The following PLPP1 variants were observed in gnomAD, a reference collection of about 807,000 sequenced individuals.
PLPP1 encodes the protein lipid phosphate phosphohydrolase 1a.
A neutral mutation model predicts 31.2 loss-of-function variants in PLPP1; 24 were observed. The ratio of observed to expected loss-of-function variants is 0.77; its 90% confidence interval spans 0.56 to 1.08. The LOEUF is 1.08. Ranked by LOEUF, PLPP1 falls within the 50% of genes least tolerant of loss-of-function variation. The pLI is 0.00. For synonymous variants in PLPP1, 146 were observed against 126.3 expected, an observed-to-expected ratio of 1.16 and a Z score of -1.05; for missense variants, 319 against 342.7, an observed-to-expected ratio of 0.93 and a Z score of 0.55.
At chr5:55,483,192 T>A (rs1752705272) in intron 1 of PLPP1, among the ~76,000 whole-genome samples, 1 of 152,164 alleles carries the variant, frequency 6.6e-6, no homozygotes, top group Non-Finnish European at 1.5e-5. Context: ...TCTTAAAAAG[T>A]CGTATTTTAT....
At chr5:55,458,972 G>A (rs1184927646) in intron 3 of PLPP1, among the ~76,000 whole-genome samples, 2 of 144,644 alleles carry the variant, frequency 1.4e-5, no homozygotes, top group African/African-American at 2.5e-5. Flanking sequence ...TTAAATTTGT[G>A]ATCAAAGGGC....
chr5:55,488,583 T>C (rs1475694500), intron 1 of PLPP1, among the ~76,000 whole-genome samples: 1 of 151,934 alleles, frequency 6.6e-6, no homozygotes, highest in Non-Finnish European at 1.5e-5. Flanking sequence ...GAGGCGGAGG[T>C]TGCACTAAGT....
chr5:55,452,189 A>G (rs958237230), intron 3 of PLPP1, among the ~76,000 whole-genome samples: 112 of 152,114 alleles, frequency 7.4e-4, no homozygotes, highest in Admixed American at 2.9e-3. Flanking sequence ...GTGATCCCCA[A>G]TGTTGGAGGT....
intron 2 of PLPP1, among the ~76,000 whole-genome samples, chr5:55,472,636 CAGAGAG>C (rs1174820270): frequency 8.8e-6 from 1 of 113,740 alleles, no homozygotes; most frequent in African/African-American, 3.2e-5. Flanking sequence ...AAGAAAGAGA[CAGAGAG>C]AGAGAAAGAA....
intron 1 of PLPP1, among the ~76,000 whole-genome samples, chr5:55,501,458 T>TA (rs1753143499): frequency 8.5e-6 from 1 of 117,512 alleles, no homozygotes; most frequent in Admixed American, 9.4e-5. Flanking sequence ...CTTGCAACTT[T>TA]AGAGATCTAT....
At chr5:55,429,627 AGCAG>A (rs1175409837) in intron 4 of PLPP1, among the ~76,000 whole-genome samples, 1 of 152,126 alleles carries the variant, frequency 6.6e-6, no homozygotes, top group East Asian at 1.9e-4. Context: ...AAGCAGCTAC[AGCAG>A]GGCACCATTT....
intron 1 of PLPP1, among the ~76,000 whole-genome samples, chr5:55,489,043 C>G (rs1752833174): frequency 6.6e-6 from 1 of 151,840 alleles, no homozygotes; most frequent in South Asian, 2.1e-4. Context: ...AAAAAAAATA[C>G]AAAAATTAAC....
chr5:55,477,676 A>G (rs1752585398), intron 1 of PLPP1, among the ~76,000 whole-genome samples: 1 of 152,148 alleles, frequency 6.6e-6, no homozygotes, highest in African/African-American at 2.4e-5. Context: ...TACAGGCATG[A>G]GCCATAGTGC....
chr5:55,524,725 G>A (rs149678906), intron 1 of PLPP1, among the ~76,000 whole-genome samples: 1,680 of 152,174 alleles, frequency 0.011, 13 homozygotes, highest in Non-Finnish European at 0.017. Context: ...CAGGAGAATC[G>A]CTTGTACCTA....
intron 1 of PLPP1, among the ~76,000 whole-genome samples, chr5:55,493,590 T>A (rs1289667604): frequency 6.6e-6 from 1 of 151,926 alleles, no homozygotes; most frequent in Non-Finnish European, 1.5e-5. Context: ...AAAATATTTT[T>A]AAAAATTAGC....
At chr5:55,464,154 C>T (rs1752231821) in intron 3 of PLPP1, among the ~76,000 whole-genome samples, 1 of 151,504 alleles carries the variant, frequency 6.6e-6, no homozygotes, top group South Asian at 2.1e-4. Flanking sequence ...ATATATAGTC[C>T]AGCACTTCTA....
At chr5:55,455,236 GAAAA>G (rs981359920) in intron 3 of PLPP1, among the ~76,000 whole-genome samples, 2 of 150,410 alleles carry the variant, frequency 1.3e-5, no homozygotes, top group Non-Finnish European at 3.0e-5. Context: ...CAGAAAAAAA[GAAAA>G]AAAAAGCAAA....
intron 1 of PLPP1, among the ~76,000 whole-genome samples, chr5:55,482,290 T>C (rs1443084327): frequency 6.6e-6 from 1 of 151,284 alleles, no homozygotes; most frequent in Non-Finnish European, 1.5e-5. Flanking sequence ...CGAAAAACTG[T>C]TTTAATGAGG....
In PLPP1 at chr5:55,510,086, G is replaced by A. The variant is rs542246816; in HGVS notation, c.58+24486C>T. Among the ~76,000 whole-genome samples the A allele has an allele frequency of 3.9e-5, 6 of 152,224 alleles. No homozygotes were observed. The South Asian group carries it at 1.2e-3, about 32-fold the overall frequency. ...ACTATTTAGGGCTTCCATGGTATTT[G>A]AAGCTATAACTTAATAACTTCTTTG... On this transcript the variant is annotated intron_variant, in intron 1 of 5. Coordinates refer to ENST00000307259, the MANE Select transcript of PLPP1 (RefSeq NM_003711.4).
chr5:55,479,230 T>C (rs1752622164), intron 1 of PLPP1, among the ~76,000 whole-genome samples: 1 of 152,158 alleles, frequency 6.6e-6, no homozygotes, highest in African/African-American at 2.4e-5. Context: ...TTTCACCATG[T>C]TGGCCAGGCT....
chr5:55,526,516 TGTTC>T (rs1740436701), intron 1 of PLPP1, among the ~76,000 whole-genome samples: 2 of 152,214 alleles, frequency 1.3e-5, no homozygotes, highest in South Asian at 4.1e-4. Flanking sequence ...GACAAATTTT[TGTTC>T]GTTTTTTGAG....
At chr5:55,507,086 G>A (rs1055798048) in intron 1 of PLPP1, among the ~76,000 whole-genome samples, 2 of 152,120 alleles carry the variant, frequency 1.3e-5, no homozygotes, top group African/African-American at 4.8e-5. Context: ...GAACAGAAAG[G>A]GTTCTCTTCC....
At chr5:55,486,629 C>A (rs898725296) in intron 1 of PLPP1, among the ~76,000 whole-genome samples, 1 of 151,520 alleles carries the variant, frequency 6.6e-6, no homozygotes, top group South Asian at 2.1e-4. Context: ...AGTGATTAAG[C>A]CTTGGTCGGG....
intron 3 of PLPP1, among the ~76,000 whole-genome samples, chr5:55,456,297 G>C (rs538103972): frequency 6.6e-6 from 1 of 152,106 alleles, no homozygotes; most frequent in African/African-American, 2.4e-5. Context: ...AGTGTGCTAC[G>C]TGCAAGAGAG....
Sources: allele counts gnomAD v4.1 joint callset (sites outside exome capture counted in the v4.1 genomes callset), GRCh38; gene constraint gnomAD v4.1.1; transcripts MANE v1.5; gene names NCBI Gene and HGNC (gene_info 2026-07-23, HGNC 2026-07-21).